Variants in RALGDS observed in about 807,000 individuals in gnomAD.
RALGDS encodes ral guanine nucleotide exchange factor.
In RALGDS, 44 loss-of-function variants were observed where a neutral mutation model predicts 99.8. The observed-to-expected ratio is 0.44, with a 90% CI of 0.35 to 0.57. The LOEUF is 0.57. Among genes scored for constraint, RALGDS ranks in the 20% least tolerant of loss-of-function variants. RALGDS has a pLI of 0.01. For synonymous variants in RALGDS, 529 were observed against 505.0 expected (o/e 1.05, Z -0.64); for missense variants, 1,022 against 1,203.1 (o/e 0.85, Z 2.23).
intron 1 of RALGDS, among the ~76,000 whole-genome samples, chr9:133,143,156 G>A (rs1025706676): frequency 3.9e-5 from 6 of 152,234 alleles, no homozygotes; most frequent in Non-Finnish European, 8.8e-5. Flanking sequence ...TGTGGCTAGC[G>A]TGCAATGGTG....
intron 9 of RALGDS, among the ~76,000 whole-genome samples, chr9:133,105,170 CGATGCTCCCCTGT>C (rs1564231285): frequency 6.6e-6 from 1 of 152,170 alleles, no homozygotes; most frequent in Non-Finnish European, 1.5e-5. Flanking sequence ...GAGCCCCCTG[CGATGCTCCCCTGT>C]AGGGAACTCT....
chr9:133,112,901 G>A lies in RALGDS; in HGVS notation c.184-749C>T, dbSNP rs533027407. Among the ~76,000 whole-genome samples the A allele has an allele frequency of 2.6e-4, 39 of 152,206 alleles. 1 individual carries two copies. Among genetic ancestry groups the A allele is most frequent in the Admixed American group, 8.5e-4 (13 of 15,288 alleles). ...TGAGGGGACGGGTGTGAGAGGTGAC[G>A]GTGCTGGTATCCAGGCAGATGCTGG... On this transcript the variant is annotated intron_variant, in intron 1 of 17. Coordinates refer to ENST00000372050, the MANE Select transcript of RALGDS (RefSeq NM_006266.4).
At chr9:133,101,911 A>C in intron 15 of RALGDS, 27 bp downstream of exon 15, 1 of 1,550,774 alleles carries the variant, frequency 6.4e-7, no homozygotes, top group Non-Finnish European at 8.7e-7. Context: ...ATGGGAAAGG[A>C]TATTGGGGAG....
chr9:133,099,794 T>G (rs1251550370), intron 17 of RALGDS: 1 of 193,810 alleles, frequency 5.2e-6, no homozygotes. Context: ...GATACCCCAC[T>G]CTGAGCCTGC....
chr9:133,104,397 G>A, intron 9 of RALGDS, 66 bp from the exon 10 acceptor site: 2 of 1,435,574 alleles, frequency 1.4e-6, no homozygotes, highest in Non-Finnish European at 2.0e-6. Flanking sequence ...CCTGACCTGG[G>A]GTGCTGCCAG....
chr9:133,112,634 G>A (rs1464706065), intron 1 of RALGDS, among the ~76,000 whole-genome samples: 1 of 152,106 alleles, frequency 6.6e-6, no homozygotes, highest in Non-Finnish European at 1.5e-5. Context: ...CCTCCCCAGG[G>A]CCAGAGGCCC....
chr9:133,106,067 G>T, intron 8 of RALGDS, 51 bp from the exon 9 acceptor site: 1 of 1,420,346 alleles, frequency 7.0e-7, no homozygotes, highest in Non-Finnish European at 9.9e-7. Context: ...GTAGGGAGGG[G>T]TGTGAGTGCA....
intron 1 of RALGDS, among the ~76,000 whole-genome samples, chr9:133,119,502 C>T (rs899082670): frequency 6.6e-6 from 1 of 152,128 alleles, no homozygotes; most frequent in African/African-American, 2.4e-5. Context: ...AAGACAAGAC[C>T]CCCAGGCAGG....
At chr9:133,117,440 G>A (rs780841893) in intron 1 of RALGDS, among the ~76,000 whole-genome samples, 3 of 152,224 alleles carry the variant, frequency 2.0e-5, no homozygotes, top group Non-Finnish European at 4.4e-5. Flanking sequence ...GGCTGCCAAA[G>A]CATGCAAGCT....
rs2119168698 is a variant in RALGDS at position 133,110,496 on chromosome 9, T to TGGGACAGAGGA, written c.295-18_295-8dup. 10 of 1,608,746 alleles carry TGGGACAGAGGA rather than the reference T, an allele frequency of 6.2e-6. No individual in the cohort carries two copies. Among genetic ancestry groups the TGGGACAGAGGA allele is most frequent in the Non-Finnish European group, 7.6e-6 (9 of 1,176,554 alleles). On this transcript the variant is annotated splice_polypyrimidine_tract_variant and splice_region_variant and intron_variant, in intron 2 of 17. Coordinates refer to ENST00000372050, the MANE Select transcript of RALGDS (RefSeq NM_006266.4). ...GGGCCGACTCATTCTCATACTGGGGTGGGACAGAGGAGGGACAGACAGTCA... is the reference window on the plus strand; with the variant it reads ...GGGCCGACTCATTCTCATACTGGGGTGGGACAGAGGAGGGACAGAGGAGGGACAGACAGTCA...
At chr9:133,129,393 T>C in intron 1 of RALGDS, 1 of 1,453,084 alleles carries the variant, frequency 6.9e-7, no homozygotes, top group Non-Finnish European at 9.0e-7. Flanking sequence ...CTGCGTGCCC[T>C]AGTGGAGTGG....
At chr9:133,138,117 C>T (rs983775454) in intron 1 of RALGDS, among the ~76,000 whole-genome samples, 1 of 152,204 alleles carries the variant, frequency 6.6e-6, no homozygotes, top group Non-Finnish European at 1.5e-5. Flanking sequence ...CCAAAGGGAA[C>T]CTCCTAAGCT....
upstream of RALGDS, among the ~76,000 whole-genome samples, chr9:133,123,047 T>C (rs1832002751): frequency 6.6e-6 from 1 of 152,014 alleles, no homozygotes; most frequent in African/African-American, 2.4e-5. Context: ...AGATTTGATT[T>C]GGGATGGAGA....
upstream of RALGDS, among the ~76,000 whole-genome samples, chr9:133,121,616 G>A (rs566881110): frequency 2.9e-4 from 44 of 152,320 alleles, no homozygotes; most frequent in Non-Finnish European, 5.3e-4. Context: ...AGCCGCCCTG[G>A]AGTCAGCTAC....
chr9:133,100,615 C>T (rs1830711569), intron 16 of RALGDS: 3 of 1,408,372 alleles, frequency 2.1e-6, no homozygotes, highest in African/African-American at 2.9e-5. Context: ...GGGGTCTGTC[C>T]CAGCAGTGCC....
chr9:133,119,138 G>A lies in RALGDS; in HGVS notation c.183+1834C>T, dbSNP rs144394740. ...ATCTGGCAGCCCAGAGGGAAGCACC[G>A]GGTGGAAGCTAGGTAGGGAAACAGG... On this transcript the variant is annotated intron_variant, in intron 1 of 17. Coordinates refer to ENST00000372050, the MANE Select transcript of RALGDS (RefSeq NM_006266.4). 5.9e-3 allele frequency among the ~76,000 whole-genome samples: 893 copies of A among 152,340 alleles called. 11 individuals are homozygous for A. Among genetic ancestry groups the A allele is most frequent in the African/African-American group, 0.02 (836 of 41,574 alleles).
Position 133,102,041 on chromosome 9 carries a change from A to T in RALGDS, c.2108T>A (p.Ile703Asn). The change falls in exon 15 of 18, where the codon ATC becomes AAC. Residue 703 changes from isoleucine to asparagine, a missense_variant. This residue lies in a region of RALGDS where 825 missense variants were observed against 994.5 expected (regional missense o/e 0.83). Transcript: ENST00000372050. ...CGAGTGCACGCTGAGCGCGTCAGCG[A>T]TGTCCCCGCTGCTGAGGTAGGGGCC... is the stretch of plus-strand genomic sequence containing the variant. ...RCGPYLSSGD[I>N]ADALSVHSAG... 1.9e-6 allele frequency: 3 copies of T among 1,558,754 alleles called. No individual in the cohort carries two copies. Among genetic ancestry groups the T allele is most frequent in the Non-Finnish European group, 2.6e-6 (3 of 1,150,940 alleles).
At chr9:133,129,365 T>C in intron 1 of RALGDS, 2 of 1,511,318 alleles carry the variant, frequency 1.3e-6, no homozygotes, top group Non-Finnish European at 1.8e-6. Flanking sequence ...GGAGGCCCTC[T>C]GCCAGTGTGC....
rs73662447 is a variant in RALGDS, at chr9:133,101,416, G to A, written c.2454+104C>T. On this transcript the variant is annotated intron_variant, in intron 16 of 17. Transcript: ENST00000372050. ...ACCTGGCTGACATCTGTCCTTCCCC[G>A]CCAACTACAAGGTAGACCCCGGGAG... The A allele has an allele frequency of 1.5e-3, 2,313 of 1,589,168 alleles. 20 individuals carry two copies. In the African/African-American group the frequency reaches 0.026, roughly 18 times the overall value.
Sources: allele counts gnomAD v4.1 joint callset (sites outside exome capture counted in the v4.1 genomes callset), GRCh38; gene constraint gnomAD v4.1.1; regional missense constraint gnomAD v4.1.1; transcripts MANE v1.5; gene names NCBI Gene and HGNC (gene_info 2026-07-23, HGNC 2026-07-21).